The following FMN2 variants were observed in gnomAD, a reference collection of about 807,000 sequenced individuals.
The protein encoded by FMN2 is formin-2.
A neutral mutation model predicts 142.3 loss-of-function variants in FMN2; 51 were observed. The observed-to-expected ratio is 0.36, with a 90% CI of 0.29 to 0.45. The LOEUF (loss-of-function observed/expected upper bound fraction) is 0.45, where lower values mean the gene tolerates loss of function less well. Ranked by LOEUF, FMN2 falls within the 20% of genes least tolerant of loss-of-function variation. FMN2 has a pLI of 1.00. For missense variants in FMN2, 1,936 were observed against 2,122.8 expected, an observed-to-expected ratio of 0.91 and a Z score of 1.73; for synonymous variants, 882 against 869.8, an observed-to-expected ratio of 1.01 and a Z score of -0.25.
intron 15 of FMN2, among the ~76,000 whole-genome samples, chr1:240,433,363 G>T (rs1439529628): frequency 4.6e-5 from 7 of 152,186 alleles, no homozygotes; most frequent in Admixed American, 4.6e-4. Context: ...AATGTTAGGA[G>T]AAATAGATGC....
At chr1:240,447,550 C>T (rs765498457) in intron 16 of FMN2, among the ~76,000 whole-genome samples, 2 of 152,186 alleles carry the variant, frequency 1.3e-5, no homozygotes, top group Non-Finnish European at 2.9e-5. Flanking sequence ...ACAAGTGTTG[C>T]AGATGATGAG....
chr1:240,450,638 C>T (rs909444490), intron 16 of FMN2, among the ~76,000 whole-genome samples: 1 of 152,334 alleles, frequency 6.6e-6, no homozygotes, highest in Admixed American at 6.5e-5. Context: ...GGCACCCGAG[C>T]GTCACATGCT....
intron 7 of FMN2, 117 bp from the exon 8 acceptor site, chr1:240,294,705 T>C: frequency 1.2e-6 from 1 of 847,000 alleles, no homozygotes; most frequent in East Asian, 2.5e-5. Flanking sequence ...GGGGAAACAT[T>C]GAAGTTAAAG....
At chr1:240,448,130 A>G (rs978786951) in intron 16 of FMN2, among the ~76,000 whole-genome samples, 8 of 152,234 alleles carry the variant, frequency 5.3e-5, no homozygotes, top group African/African-American at 1.9e-4. Flanking sequence ...TGAAACTACA[A>G]ACATGAGTAT....
At chr1:240,255,927 A>G (rs1034272783) in intron 6 of FMN2, among the ~76,000 whole-genome samples, 4 of 152,328 alleles carry the variant, frequency 2.6e-5, no homozygotes, top group Middle Eastern at 3.4e-3. Context: ...ACAGAACTCT[A>G]GGATACGCAA....
At position 240,161,185 on chromosome 1, in the gene FMN2, C is replaced by T. The variant is rs377355746; in HGVS notation, c.1783-16736C>T. ...TTCTAATCAATGTCTCAAGGGTGTG[C>T]GTGAATGCGTGCTTGTGTGCTTTAG... On this transcript the variant is annotated intron_variant, in intron 2 of 17. Transcript: ENST00000319653. Among the ~76,000 whole-genome samples, 196 of 152,104 alleles carry T rather than the reference C, an allele frequency of 1.3e-3. 4 individuals are homozygous for T. In the South Asian group the frequency reaches 0.031, roughly 24 times the overall value.
intron 16 of FMN2, among the ~76,000 whole-genome samples, chr1:240,463,349 A>G (rs1012071760): frequency 6.6e-6 from 1 of 152,146 alleles, no homozygotes; most frequent in Non-Finnish European, 1.5e-5. Context: ...GAGGGAGAGA[A>G]AAGATTCAGA....
chr1:240,431,941 A>G (rs1675193878), intron 15 of FMN2, among the ~76,000 whole-genome samples: 1 of 151,262 alleles, frequency 6.6e-6, no homozygotes, highest in South Asian at 2.1e-4. Context: ...TTCTTTCATA[A>G]TATCTTTTTT....
chr1:240,178,094 A>G (rs201878683), intron 3 of FMN2, 26 bp downstream of exon 3: 445 of 1,548,834 alleles, frequency 2.9e-4, no homozygotes, highest in Non-Finnish European at 3.7e-4. Flanking sequence ...GTCTTCAGAG[A>G]TAACTGGAAG....
In FMN2 at chr1:240,177,943, C is replaced by A; in HGVS notation, c.1805C>A (p.Ala602Asp). 1 of 1,589,336 alleles carries A rather than the reference C, an allele frequency of 6.3e-7. No homozygotes were observed. The highest frequency in any genetic ancestry group is 8.5e-7 in the Non-Finnish European group (1 of 1,172,008). The stretch of plus-strand genomic sequence containing the variant: ...TAGCAAGATCAACTTTATACCTGGG[C>A]TGCAGTTAGTCAACCCACACACTCA... ...SFDQDQLYTW[A>D]AVSQPTHSLD... The change falls in exon 3 of 18, where the codon GCT becomes GAT. Residue 602 changes from alanine to aspartate, a missense_variant. By Grantham distance (126) the Ala-to-Asp change is moderately radical (BLOSUM62 -2). This residue lies in a region of FMN2 where 478 missense variants were observed against 462.8 expected (regional missense o/e 1.03). Coordinates refer to ENST00000319653, the MANE Select transcript of FMN2 (RefSeq NM_020066.5).
chr1:240,409,016 T>A (rs2103122358), intron 15 of FMN2, among the ~76,000 whole-genome samples: 2 of 152,316 alleles, frequency 1.3e-5, no homozygotes, highest in Admixed American at 1.3e-4. Flanking sequence ...ATGCATAAAT[T>A]AACATAACAT....
chr1:240,225,104 G>T (rs1489341564), intron 6 of FMN2, among the ~76,000 whole-genome samples: 2 of 152,172 alleles, frequency 1.3e-5, no homozygotes, highest in Non-Finnish European at 1.5e-5. Flanking sequence ...AAAACACTGA[G>T]CAAACAATAA....
In FMN2 at chr1:240,464,680, AG is replaced by A. The variant is rs559492093; in HGVS notation, c.5061-7690del. ...AAGGGAAAGGAATACGATGTGTGTA[AG>A]GCATCCGTGCTGGCCCCGGACCCCC... On this transcript the variant is annotated intron_variant, in intron 16 of 17. Transcript: ENST00000319653. 2.6e-3 allele frequency among the ~76,000 whole-genome samples: 396 copies of A among 152,062 alleles called. 3 individuals carry two copies. The highest frequency in any genetic ancestry group is 7.9e-3 in the African/African-American group (328 of 41,482).
intron 13 of FMN2, among the ~76,000 whole-genome samples, chr1:240,341,864 T>G (rs1366224843): frequency 1.3e-5 from 2 of 152,218 alleles, no homozygotes; most frequent in African/African-American, 2.4e-5. Flanking sequence ...GCTGGGAAGC[T>G]GTGGCTACTT....
chr1:240,176,604 T>G (rs1196360532), intron 2 of FMN2, among the ~76,000 whole-genome samples: 1 of 152,222 alleles, frequency 6.6e-6, no homozygotes, highest in African/African-American at 2.4e-5. Flanking sequence ...CTACTTACAT[T>G]GAATTCCTTC....
At chr1:240,427,171 T>TTTTATATATATATATATA (rs1222415126) in intron 15 of FMN2, among the ~76,000 whole-genome samples, 4 of 136,890 alleles carry the variant, frequency 2.9e-5, no homozygotes, top group African/African-American at 1.3e-4. Flanking sequence ...ACAACTGATT[T>TTTTATATATATATATATA]TATATATATA....
chr1:240,211,965 A>T (rs1313605783), intron 6 of FMN2, among the ~76,000 whole-genome samples: 1 of 152,168 alleles, frequency 6.6e-6, no homozygotes, highest in African/African-American at 2.4e-5. Flanking sequence ...AGAATTGCTA[A>T]TGGTGCCCGT....
At chr1:240,335,045 C>T (rs1671513631) in intron 13 of FMN2, among the ~76,000 whole-genome samples, 1 of 152,146 alleles carries the variant, frequency 6.6e-6, no homozygotes, top group Non-Finnish European at 1.5e-5. Context: ...ATGTGTTTAT[C>T]CAAAGATACT....
chr1:240,228,761 A>G (rs1667435928), intron 6 of FMN2, among the ~76,000 whole-genome samples: 2 of 151,318 alleles, frequency 1.3e-5, no homozygotes, highest in Admixed American at 1.3e-4. Flanking sequence ...TAAATAATAT[A>G]TTTTTCAACC....
Sources: gnomAD v4.1 joint callset for allele counts (sites outside exome capture counted in the v4.1 genomes callset) on GRCh38, gnomAD v4.1.1 for gene constraint, gnomAD v4.1.1 regional missense constraint, MANE v1.5 for transcripts, NCBI Gene and HGNC (gene_info 2026-07-23, HGNC 2026-07-21) for gene names.